Variants in ANK3 observed in about 807,000 individuals in gnomAD.
The protein encoded by ANK3 is ankyrin-3.
A neutral mutation model predicts 370.9 loss-of-function variants in ANK3; 57 were observed. That is an observed-to-expected ratio of 0.15 (90% CI 0.12 to 0.19). The LOEUF is 0.19. Ranked by LOEUF, ANK3 falls within the 10% of genes least tolerant of loss-of-function variation. ANK3 has a pLI of 1.00. For synonymous variants in ANK3, 1,929 were observed against 1,946.3 expected, an observed-to-expected ratio of 0.99 and a Z score of 0.23; for missense variants, 4,439 against 5,302.1, an observed-to-expected ratio of 0.84 and a Z score of 5.06.
chr10:60,352,995 T>G (rs2057133791), intron 1 of ANK3, among the ~76,000 whole-genome samples: 1 of 152,082 alleles, frequency 6.6e-6, no homozygotes, highest in Non-Finnish European at 1.5e-5. Flanking sequence ...TGTCTTTTTC[T>G]TTTGTTGAGA....
At chr10:60,185,301 T>C (rs3793862) in intron 17 of ANK3, among the ~76,000 whole-genome samples, 9,655 of 152,220 alleles carry the variant, frequency 0.063, 418 homozygotes, top group Admixed American at 0.13. Context: ...TGTTATGGAG[T>C]AACCTTTTTC....
chr10:60,100,290 G>T (rs4948386), intron 28 of ANK3, among the ~76,000 whole-genome samples: 1 of 134,014 alleles, frequency 7.5e-6, no homozygotes, highest in South Asian at 2.5e-4. Flanking sequence ...TGGTTAAATT[G>T]TATTTTTATT....
At chr10:60,346,154 G>A (rs139807709) in intron 1 of ANK3, among the ~76,000 whole-genome samples, 3,712 of 151,994 alleles carry the variant, frequency 0.024, 63 homozygotes, top group Non-Finnish European at 0.04. Flanking sequence ...AATAAAACCA[G>A]AAAACAACTG....
chr10:60,639,755 G>A (rs867235562), intron 1 of ANK3, among the ~76,000 whole-genome samples: 1 of 151,762 alleles, frequency 6.6e-6, no homozygotes, highest in East Asian at 1.9e-4. Context: ...AGATAAAACC[G>A]AATCCTTAAA....
intron 1 of ANK3, among the ~76,000 whole-genome samples, chr10:60,651,800 AGCACTAT>A (rs928000594): frequency 6.6e-6 from 1 of 152,178 alleles, no homozygotes; most frequent in African/African-American, 2.4e-5. Flanking sequence ...GCATATAGGA[AGCACTAT>A]ACAAGTGTTT....
At chr10:60,245,142 C>T (rs1200787987) in intron 7 of ANK3, among the ~76,000 whole-genome samples, 1 of 151,960 alleles carries the variant, frequency 6.6e-6, no homozygotes, top group African/African-American at 2.4e-5. Flanking sequence ...GCACTCCAGC[C>T]TGGGCGACAG....
At chr10:60,177,271 A>G (rs1301498218) in intron 18 of ANK3, among the ~76,000 whole-genome samples, 2 of 152,152 alleles carry the variant, frequency 1.3e-5, no homozygotes, top group African/African-American at 2.4e-5. Context: ...TGAGGATCAT[A>G]TCTACTTTCA....
At chr10:60,613,013 C>A (rs189162113) in intron 2 of ANK3, among the ~76,000 whole-genome samples, 16 of 152,172 alleles carry the variant, frequency 1.1e-4, no homozygotes, top group African/African-American at 3.9e-4. Context: ...TAAAACAGAA[C>A]AAGAAAGTCC....
Position 60,213,508 on chromosome 10 carries a change from A to AGGTGTT in ANK3, c.899_900insAACACC (p.Asp300delinsGluThrPro). The AGGTGTT allele has an allele frequency of 6.3e-7, 1 of 1,593,126 alleles. No individual in the cohort carries two copies. The highest frequency in any genetic ancestry group is 8.6e-7 in the Non-Finnish European group (1 of 1,166,462). ...CTCCACAGTGCAGTGGTGTCAGACC[A>AGGTGTT]TCCTGTTGAACAAAGGAAACATCAC... On this transcript the variant is annotated protein_altering_variant and splice_region_variant, in exon 9 of 44. Transcript: ENST00000280772.
intron 23 of ANK3, chr10:60,141,104 G>C: frequency 1.1e-6 from 1 of 870,710 alleles, no homozygotes. Context: ...CTTGAGTTGA[G>C]GTTGTGAAAC....
chr10:60,068,119 C>T, intron 37 of ANK3, 110 bp from the exon 38 acceptor site: 1 of 901,850 alleles, frequency 1.1e-6, no homozygotes, highest in South Asian at 1.8e-5. Context: ...TAACACTGTA[C>T]ACTGAAATGT....
chr10:60,170,545 T>G (rs986922797), intron 21 of ANK3, among the ~76,000 whole-genome samples: 1 of 152,248 alleles, frequency 6.6e-6, no homozygotes, highest in African/African-American at 2.4e-5. Flanking sequence ...GACTCTTTTT[T>G]AATCAACGTG....
At chr10:60,421,507 G>T (rs946893198) in intron 2 of ANK3, among the ~76,000 whole-genome samples, 1 of 151,940 alleles carries the variant, frequency 6.6e-6, no homozygotes, top group Non-Finnish European at 1.5e-5. Flanking sequence ...GAGAAATCAG[G>T]TTTTGATTTC....
chr10:60,359,080 C>T (rs914839163), intron 1 of ANK3, among the ~76,000 whole-genome samples: 30 of 152,128 alleles, frequency 2.0e-4, no homozygotes, highest in African/African-American at 7.2e-4. Flanking sequence ...AAGCCCTATT[C>T]TTGCAGGGTC....
At chr10:60,325,574 T>C (rs2049645818) in intron 1 of ANK3, among the ~76,000 whole-genome samples, 1 of 152,158 alleles carries the variant, frequency 6.6e-6, no homozygotes, top group Admixed American at 6.5e-5. Flanking sequence ...GCAACACACT[T>C]TTACTGATTC....
chr10:60,477,253 A>G (rs1299047584), intron 2 of ANK3, among the ~76,000 whole-genome samples: 4 of 152,116 alleles, frequency 2.6e-5, no homozygotes, highest in African/African-American at 9.7e-5. Context: ...GCAATGAGTA[A>G]GAAGCGTAAG....
intron 2 of ANK3, among the ~76,000 whole-genome samples, chr10:60,542,210 A>T (rs1178869408): frequency 6.6e-6 from 1 of 151,728 alleles, no homozygotes; most frequent in Non-Finnish European, 1.5e-5. Context: ...AAAAAATATA[A>T]AAAAATTATA....
chr10:60,245,633 G>A (rs1245162072), intron 7 of ANK3, among the ~76,000 whole-genome samples: 1 of 152,108 alleles, frequency 6.6e-6, no homozygotes, highest in African/African-American at 2.4e-5. Context: ...CTTTCACTTA[G>A]CATGTTTTCA....
intron 39 of ANK3, among the ~76,000 whole-genome samples, 190 bp from the exon 40 acceptor site, chr10:60,063,444 C>T (rs1284035996): frequency 2.0e-5 from 3 of 152,182 alleles, no homozygotes; most frequent in Non-Finnish European, 4.4e-5. Flanking sequence ...GAGTCTTAAT[C>T]ATCACTTTGT....
Sources: allele counts gnomAD v4.1 joint callset (sites outside exome capture counted in the v4.1 genomes callset), GRCh38; gene constraint gnomAD v4.1.1; transcripts MANE v1.5; gene names NCBI Gene and HGNC (gene_info 2026-07-23, HGNC 2026-07-21).